DIP2B: variants seen among roughly 807,000 people sequenced by gnomAD.
DIP2B encodes the protein disco-interacting protein 2 homolog B.
In DIP2B, 76 loss-of-function variants were observed where a neutral mutation model predicts 198.0. The ratio of observed to expected loss-of-function variants is 0.38; its 90% CI spans 0.32 to 0.46. The LOEUF is 0.46. Ranked by LOEUF, DIP2B falls within the 20% of genes least tolerant of loss-of-function variation. The probability of loss-of-function intolerance (pLI) is 0.99; values close to 1 mark genes in which losing one functional copy is unlikely to be tolerated. For synonymous variants in DIP2B, 701 were observed against 739.1 expected (o/e 0.95, Z 0.84); for missense variants, 1,559 against 1,978.4 (o/e 0.79, Z 4.02).
At chr12:50,728,288 G>A (rs561829330) in intron 29 of DIP2B, among the ~76,000 whole-genome samples, 33 of 151,940 alleles carry the variant, frequency 2.2e-4, no homozygotes, top group African/African-American at 6.0e-4. Flanking sequence ...CTGAGGTTGC[G>A]GTGAGCTGAG....
Position 50,685,952 on chromosome 12 carries a change from T to C in DIP2B, c.1437T>C (p.Phe479=). ...CCCAGAATGGAGAAATTGTACAGTT[T>C]AAAGGTTAGTAACATTGTACCTGAA... The part of the protein sequence containing the change: ...PKTQNGEIVQ[F]KGWPRLKWVV... Residue 479 remains phenylalanine (F), a synonymous_variant, in exon 11 of 38, where the codon TTT becomes TTC. Coordinates refer to ENST00000301180, the MANE Select transcript of DIP2B (RefSeq NM_173602.3). 2 of 1,611,690 alleles carry C rather than the reference T, an allele frequency of 1.2e-6. No homozygotes were observed. The highest frequency in any genetic ancestry group is 1.3e-5 in the African/African-American group (1 of 74,972).
intron 1 of DIP2B, among the ~76,000 whole-genome samples, chr12:50,550,778 T>C (rs1179607659): frequency 1.3e-5 from 2 of 152,210 alleles, no homozygotes; most frequent in African/African-American, 2.4e-5. Flanking sequence ...AGTAACATGT[T>C]GTTCTTCTAG....
At chr12:50,578,981 C>T (rs141129858) in intron 1 of DIP2B, among the ~76,000 whole-genome samples, 2 of 152,200 alleles carry the variant, frequency 1.3e-5, no homozygotes, top group African/African-American at 4.8e-5. Context: ...GGAAACAGCA[C>T]AAATCAAGGT....
At chr12:50,672,743 C>T (rs148545408) in intron 5 of DIP2B, among the ~76,000 whole-genome samples, 171 of 152,168 alleles carry the variant, frequency 1.1e-3, no homozygotes, top group African/African-American at 3.9e-3. Flanking sequence ...ATCCTACCTC[C>T]CATGGGTAAT....
At chr12:50,534,517 C>T (rs1958246888) in intron 1 of DIP2B, among the ~76,000 whole-genome samples, 1 of 151,982 alleles carries the variant, frequency 6.6e-6, no homozygotes, top group South Asian at 2.1e-4. Context: ...GGATTACAGG[C>T]ATGAGCCACC....
chr12:50,670,259 T>C (rs1344179731), intron 4 of DIP2B, among the ~76,000 whole-genome samples: 1 of 151,806 alleles, frequency 6.6e-6, no homozygotes, highest in East Asian at 1.9e-4. Flanking sequence ...AAAGAAATAC[T>C]GATGCTGTGC....
intron 1 of DIP2B, among the ~76,000 whole-genome samples, chr12:50,537,541 C>A (rs535795468): frequency 6.6e-6 from 1 of 152,126 alleles, no homozygotes; most frequent in South Asian, 2.1e-4. Flanking sequence ...GGAAGACCAT[C>A]CCAGTCAACA....
chr12:50,731,934 ATCTG>A (rs1227910181), intron 31 of DIP2B, among the ~76,000 whole-genome samples: 1 of 152,222 alleles, frequency 6.6e-6, no homozygotes, highest in Non-Finnish European at 1.5e-5. Flanking sequence ...TCAAATGATG[ATCTG>A]TCTGACTTGC....
chr12:50,536,331 GCCTGTAGT>G (rs1958267104), intron 1 of DIP2B, among the ~76,000 whole-genome samples: 1 of 150,770 alleles, frequency 6.6e-6, no homozygotes, highest in African/African-American at 2.4e-5. Context: ...GGTGGCGTGA[GCCTGTAGT>G]CCAAGCTACT....
At chr12:50,744,045 A>G (rs1339402039) in intron 37 of DIP2B, among the ~76,000 whole-genome samples, 3 of 152,180 alleles carry the variant, frequency 2.0e-5, no homozygotes, top group Non-Finnish European at 2.9e-5. Flanking sequence ...TCTGTTGCCC[A>G]GGCTGGAGTG....
chr12:50,717,896 C>CTTTTTTTTTTT (rs60627093), intron 23 of DIP2B, among the ~76,000 whole-genome samples: 1 of 87,060 alleles, frequency 1.1e-5, no homozygotes, highest in Non-Finnish European at 2.1e-5. Flanking sequence ...CCATTATTCA[C>CTTTTTTTTTTT]TTTTTTTTTT....
chr12:50,513,533 C>A (rs1220473603), intron 1 of DIP2B, among the ~76,000 whole-genome samples: 1 of 152,190 alleles, frequency 6.6e-6, no homozygotes, highest in East Asian at 1.9e-4. Context: ...CGTTTCATAT[C>A]CCTCACTTGT....
chr12:50,571,188 T>TG (rs1486721301), intron 1 of DIP2B, among the ~76,000 whole-genome samples: 118 of 150,006 alleles, frequency 7.9e-4, no homozygotes, highest in Non-Finnish European at 1.5e-3. Flanking sequence ...TTTTTTTTTT[T>TG]GGAGATGGAG....
intron 2 of DIP2B, among the ~76,000 whole-genome samples, chr12:50,628,828 C>G (rs1223194348): frequency 6.6e-6 from 1 of 152,112 alleles, no homozygotes; most frequent in African/African-American, 2.4e-5. Context: ...TATTCAGCAC[C>G]CTGTCTCTCA....
At chr12:50,679,035 A>G in intron 8 of DIP2B, 159 bp downstream of exon 8, 1 of 813,724 alleles carries the variant, frequency 1.2e-6, no homozygotes, top group East Asian at 2.7e-5. Context: ...AGCTATTGCC[A>G]AATATTTTCA....
chr12:50,518,327 C>G (rs1384766780), intron 1 of DIP2B, among the ~76,000 whole-genome samples: 1 of 151,558 alleles, frequency 6.6e-6, no homozygotes, highest in Non-Finnish European at 1.5e-5. Context: ...TGGGTTCAAG[C>G]GATTCTGCTT....
intron 3 of DIP2B, among the ~76,000 whole-genome samples, chr12:50,653,023 A>G (rs2139502736): frequency 6.6e-6 from 1 of 151,202 alleles, no homozygotes; most frequent in South Asian, 2.1e-4. Flanking sequence ...AGCTCACTGC[A>G]GCCTCCACCT....
intron 1 of DIP2B, among the ~76,000 whole-genome samples, chr12:50,529,317 A>G (rs2139361668): frequency 6.6e-6 from 1 of 152,330 alleles, no homozygotes; most frequent in South Asian, 2.1e-4. Context: ...AACTGTAAAC[A>G]GTATCTTTAT....
chr12:50,617,609 G>C (rs1291813436), intron 1 of DIP2B, among the ~76,000 whole-genome samples: 4 of 151,946 alleles, frequency 2.6e-5, no homozygotes, highest in Non-Finnish European at 5.9e-5. Context: ...AGGAGTTGGA[G>C]ACCAGCCTGG....
Sources: gnomAD v4.1 joint callset for allele counts (sites outside exome capture counted in the v4.1 genomes callset) on GRCh38, gnomAD v4.1.1 for gene constraint, MANE v1.5 for transcripts, NCBI Gene and HGNC (gene_info 2026-07-23, HGNC 2026-07-21) for gene names.